The following KCNB2 variants were observed in gnomAD, a reference collection of about 807,000 sequenced individuals.
KCNB2 encodes delayed rectifier potassium channel protein.
Under a neutral mutation model 61.5 loss-of-function variants are expected in KCNB2, and 15 were observed. The observed-to-expected ratio is 0.24, with a 90% CI of 0.16 to 0.38. The LOEUF is 0.38. KCNB2 is among the 10% of genes least tolerant of loss of function. KCNB2 has a pLI of 1.00. For missense variants in KCNB2, 828 were observed against 1,125.2 expected, an observed-to-expected ratio of 0.74 and a Z score of 3.78; for synonymous variants, 457 against 446.0, an observed-to-expected ratio of 1.02 and a Z score of -0.31.
chr8:72,560,838 T>C (rs1806499633), intron 1 of KCNB2, among the ~76,000 whole-genome samples: 1 of 152,172 alleles, frequency 6.6e-6, no homozygotes, highest in African/African-American at 2.4e-5. Context: ...CTATGTTTTA[T>C]AAAAGGCCAT....
chr8:72,756,969 C>T (rs1433755528), intron 2 of KCNB2, among the ~76,000 whole-genome samples: 1 of 152,116 alleles, frequency 6.6e-6, no homozygotes. Context: ...ATCCAGGTGG[C>T]ATTGTCAGAT....
At chr8:72,653,270 T>C (rs1806240504) in intron 2 of KCNB2, among the ~76,000 whole-genome samples, 1 of 152,168 alleles carries the variant, frequency 6.6e-6, no homozygotes, top group Non-Finnish European at 1.5e-5. Context: ...CTATACTTTG[T>C]AGCAGCTTTT....
chr8:72,561,496 G>A (rs746301475), intron 1 of KCNB2, among the ~76,000 whole-genome samples: 2 of 150,662 alleles, frequency 1.3e-5, no homozygotes, highest in Non-Finnish European at 3.0e-5. Flanking sequence ...AGCAGCCTTT[G>A]ATTGCAGAAA....
chr8:72,856,664 T>C (rs936844129), intron 2 of KCNB2, among the ~76,000 whole-genome samples: 14 of 152,206 alleles, frequency 9.2e-5, no homozygotes, highest in Admixed American at 3.9e-4. Context: ...GTTTCCTCTG[T>C]TTTTTATGAA....
At chr8:72,757,697 T>G (rs1018121577) in intron 2 of KCNB2, among the ~76,000 whole-genome samples, 28 of 152,090 alleles carry the variant, frequency 1.8e-4, no homozygotes, top group African/African-American at 6.8e-4. Flanking sequence ...GAGGGAAGAT[T>G]ATGGTATCAA....
At chr8:72,657,034 T>C (rs1237983232) in intron 2 of KCNB2, among the ~76,000 whole-genome samples, 1 of 152,158 alleles carries the variant, frequency 6.6e-6, no homozygotes, top group Non-Finnish European at 1.5e-5. Context: ...ACCCAGTATA[T>C]CTTCAAATTC....
intron 1 of KCNB2, among the ~76,000 whole-genome samples, chr8:72,566,269 G>A (rs899839397): frequency 2.6e-5 from 4 of 152,126 alleles, no homozygotes; most frequent in Non-Finnish European, 5.9e-5. Flanking sequence ...CAATAATGAT[G>A]ACATTTTGCA....
intron 2 of KCNB2, among the ~76,000 whole-genome samples, chr8:72,677,829 C>T (rs1450123305): frequency 2.0e-5 from 3 of 152,156 alleles, no homozygotes; most frequent in Non-Finnish European, 2.9e-5. Context: ...CAGGTCTCGG[C>T]TCCTGGACCT....
intron 2 of KCNB2, among the ~76,000 whole-genome samples, chr8:72,842,681 G>A (rs998809626): frequency 3.9e-5 from 6 of 152,142 alleles, no homozygotes; most frequent in Non-Finnish European, 8.8e-5. Flanking sequence ...ATCTGTCCAG[G>A]AATTTATCCA....
chr8:72,793,918 TC>T (rs1185517606), intron 2 of KCNB2, among the ~76,000 whole-genome samples: 2 of 152,210 alleles, frequency 1.3e-5, no homozygotes, highest in Non-Finnish European at 2.9e-5. Flanking sequence ...CTCTAGGTGT[TC>T]CCCATGTGCA....
chr8:72,916,585 T>G (rs1442987222), intron 2 of KCNB2, among the ~76,000 whole-genome samples: 3 of 152,190 alleles, frequency 2.0e-5, no homozygotes, highest in Non-Finnish European at 4.4e-5. Context: ...TGTTAATAGC[T>G]CAGTGTAGGT....
At chr8:72,726,402 A>T (rs1807649958) in intron 2 of KCNB2, among the ~76,000 whole-genome samples, 1 of 152,242 alleles carries the variant, frequency 6.6e-6, no homozygotes, top group South Asian at 2.1e-4. Flanking sequence ...ATGCTGACGC[A>T]GACCAATATC....
chr8:72,869,641 C>T (rs112938423), intron 2 of KCNB2, among the ~76,000 whole-genome samples: 3 of 152,064 alleles, frequency 2.0e-5, no homozygotes, highest in African/African-American at 7.2e-5. Flanking sequence ...AAATCAAAAC[C>T]ACAATGAAAT....
At chr8:72,685,913 C>T (rs569860278) in intron 2 of KCNB2, among the ~76,000 whole-genome samples, 6 of 152,216 alleles carry the variant, frequency 3.9e-5, no homozygotes, top group African/African-American at 9.6e-5. Flanking sequence ...CGCTTGAACC[C>T]GGGAGGCGGA....
chr8:72,567,742 A>C lies in KCNB2; in HGVS notation c.8A>C (p.Glu3Ala). The C allele has an allele frequency of 1.3e-6, 2 of 1,554,718 alleles. No homozygotes were observed. Among genetic ancestry groups the C allele is most frequent in the African/African-American group, 2.8e-5 (2 of 72,602 alleles). Residue 3 changes from glutamate to alanine, a missense_variant, in exon 2 of 3, where the codon GAA becomes GCA. Coordinates refer to ENST00000523207, the MANE Select transcript of KCNB2 (RefSeq NM_004770.3). The stretch of plus-strand genomic sequence containing the variant: ...GGCTTTGTCCAGTTCAAAATGGCAG[A>C]AAAGGCTCCCCCGGGCTTAAACAGG... Reference protein sequence around the residue: MAEKAPPGLNRKT... With the variant: MAAKAPPGLNRKT...
chr8:72,884,508 T>C (rs1296727301), intron 2 of KCNB2, among the ~76,000 whole-genome samples: 3 of 152,188 alleles, frequency 2.0e-5, no homozygotes, highest in African/African-American at 4.8e-5. Flanking sequence ...TTTTTATGTC[T>C]TGTTTAAGAA....
At chr8:72,668,383 A>G (rs899499541) in intron 2 of KCNB2, among the ~76,000 whole-genome samples, 3 of 152,204 alleles carry the variant, frequency 2.0e-5, no homozygotes, top group African/African-American at 7.2e-5. Context: ...AGTGTGGATT[A>G]TGGCCCCTGT....
intron 2 of KCNB2, among the ~76,000 whole-genome samples, chr8:72,907,227 C>G (rs763190912): frequency 1.3e-5 from 2 of 151,966 alleles, no homozygotes; most frequent in Non-Finnish European, 2.9e-5. Flanking sequence ...CATGGTGGCA[C>G]ACGCCTGTAG....
intron 2 of KCNB2, among the ~76,000 whole-genome samples, chr8:72,636,582 A>G (rs189876328): frequency 1.3e-5 from 2 of 152,256 alleles, no homozygotes; most frequent in Non-Finnish European, 2.9e-5. Flanking sequence ...GATCCCTGTT[A>G]TACTGCATGT....
Sources: allele counts gnomAD v4.1 joint callset (sites outside exome capture counted in the v4.1 genomes callset), GRCh38; gene constraint gnomAD v4.1.1; transcripts MANE v1.5; gene names NCBI Gene and HGNC (gene_info 2026-07-23, HGNC 2026-07-21).